C5orf34: variants seen among roughly 807,000 people sequenced by gnomAD.
C5orf34 encodes uncharacterized protein C5orf34.
In C5orf34, 73 loss-of-function variants were observed where a neutral mutation model predicts 78.4. That is an observed-to-expected ratio of 0.93 (90% CI 0.77 to 1.13). C5orf34 has a LOEUF of 1.13. C5orf34 is among the 50% of genes most tolerant of loss of function. C5orf34 has a pLI of 0.00. For synonymous variants in C5orf34, 251 were observed against 246.6 expected (o/e 1.02, Z -0.17); for missense variants, 730 against 732.7 (o/e 1.00, Z 0.04).
intron 2 of C5orf34, 64 bp downstream of exon 2, chr5:43,509,081 G>C: frequency 1.5e-6 from 2 of 1,325,528 alleles, no homozygotes; most frequent in Admixed American, 3.7e-5. Context: ...CTCCAGCCTG[G>C]GTGACAGAGC....
rs566354042 is a variant in C5orf34, at chr5:43,515,118, C to T, written c.-349G>A. On this transcript the variant is annotated 5_prime_UTR_variant, in exon 1 of 13. Transcript: ENST00000306862. ...GCACAAGACCAGTTCAAAACCAGCGCCCTCAGGGAGCCGCTTCAGAGCTCC... is the reference window on the plus strand; with the variant it reads ...GCACAAGACCAGTTCAAAACCAGCGTCCTCAGGGAGCCGCTTCAGAGCTCC... 5 of 152,322 alleles carry T rather than the reference C, an allele frequency of 3.3e-5. No homozygotes were observed. The highest frequency in any genetic ancestry group is 9.6e-5 in the African/African-American group (4 of 41,558). 9.4% of individuals were successfully genotyped at this position (152,322 alleles called of 1,614,324 possible).
In C5orf34 at chr5:43,506,193, C is replaced by T. The variant is rs747464864; in HGVS notation, c.487G>A (p.Glu163Lys). The T allele has an allele frequency of 5.6e-6, 9 of 1,613,968 alleles. No homozygotes were observed. The Admixed American group carries it at 8.3e-5, about 15-fold the overall frequency. ...TCTTTTGGGGCTTTATTATTTGTTT[C>T]TGACAACACTGCAGATGAGTCTGAC... ...QKSDSSAVLS[E>K]TNNKAPKDKL... The change falls in exon 4 of 13, where the codon GAA (glutamate) becomes AAA (lysine). Residue 163 changes from glutamate (E) to lysine (K), a missense_variant. By Grantham distance (56) the Glu-to-Lys change is moderately conservative. Transcript: ENST00000306862.
At chr5:43,511,231 G>GCC (rs1219679199) in intron 1 of C5orf34, 2 of 174,512 alleles carry the variant, frequency 1.1e-5, no homozygotes, top group African/African-American at 4.8e-5. Flanking sequence ...GAAGTGAGGA[G>GCC]CCTCTCCGCC....
intron 8 of C5orf34, 49 bp from the exon 9 acceptor site, chr5:43,492,939 A>G: frequency 7.4e-7 from 1 of 1,348,198 alleles, no homozygotes; most frequent in Non-Finnish European, 1.0e-6. Flanking sequence ...ATCTAAGAAC[A>G]AGATTTAAAT....
chr5:43,506,638 T>C (rs952748627), intron 3 of C5orf34, among the ~76,000 whole-genome samples: 1 of 151,838 alleles, frequency 6.6e-6, no homozygotes, highest in Non-Finnish European at 1.5e-5. Context: ...ATGAGAGAAA[T>C]GGTCATATTT....
intron 11 of C5orf34, 130 bp downstream of exon 11, chr5:43,490,496 ATACTT>A (rs1745235057): frequency 1.8e-6 from 1 of 570,220 alleles, no homozygotes; most frequent in East Asian, 2.9e-5. Context: ...GCTATCAAAA[ATACTT>A]TAGGAGTTAA....
At chr5:43,502,275 T>C (rs554061583) in intron 6 of C5orf34, 97 bp downstream of exon 6, 117 of 1,203,824 alleles carry the variant, frequency 9.7e-5, no homozygotes, top group Middle Eastern at 5.3e-4. Flanking sequence ...TAGGAAGCAA[T>C]GTTATATAAT....
In C5orf34 at chr5:43,505,979, A is replaced by C. The variant is rs1304353775; in HGVS notation, c.701T>G (p.Val234Gly). ...LPSPGTKHTC[V>G]YTWVKQCWSV... ...CCAGCACTGCTTGACCCATGTGTAT[A>C]CACATGTGTGCTTTGTACCAGGCGA... Residue 234 changes from valine (V) to glycine (G), a missense_variant, in exon 4 of 13, where the codon GTA (valine) becomes GGA (glycine). Transcript: ENST00000306862. 6.2e-7 allele frequency: 1 copy of C among 1,614,184 alleles called. No individual in the cohort carries two copies. The highest frequency in any genetic ancestry group is 8.5e-7 in the Non-Finnish European group (1 of 1,180,032).
Position 43,502,362 on chromosome 5 carries a change from G to T in C5orf34, c.1152+10C>A. 2 of 1,610,566 alleles carry T rather than the reference G, an allele frequency of 1.2e-6. No individual in the cohort carries two copies. Among genetic ancestry groups the T allele is most frequent in the Non-Finnish European group, 1.7e-6 (2 of 1,178,760 alleles). ...AAACTCTTCTTGAGTTGAGTTCATT[G>T]TTGGCTTACCTTTCCTGATCCTTCT... On this transcript the variant is annotated intron_variant, in intron 6 of 12. Transcript: ENST00000306862.
chr5:43,495,215 GA>G, intron 6 of C5orf34: 1 of 1,610,522 alleles, frequency 6.2e-7, no homozygotes, highest in South Asian at 1.1e-5. Context: ...TGGATAGTCT[GA>G]GAAGCTCTCA....
In C5orf34 at chr5:43,486,837, G is replaced by C. The variant is rs1437545746; in HGVS notation, c.*78C>G. 7 of 769,856 alleles carry C rather than the reference G, an allele frequency of 9.1e-6. No homozygotes were observed. The highest frequency in any genetic ancestry group is 1.4e-5 in the Non-Finnish European group (7 of 513,430). The allele number at this position is 769,856 out of a possible 1,614,324, so 47.7% of individuals were successfully genotyped here. ...GCCGGGGTAATACGTACAATATCTT[G>C]GCTTACTAGTAATTTTATACCAGTC... On this transcript the variant is annotated 3_prime_UTR_variant, in exon 13 of 13. Transcript: ENST00000306862.
At chr5:43,495,107 G>A (rs187720138) in intron 6 of C5orf34, 3 of 1,562,686 alleles carry the variant, frequency 1.9e-6, no homozygotes, top group Admixed American at 1.7e-5. Flanking sequence ...GGCAGACTTC[G>A]TGACCTTGCC....
rs1561208107 is a variant in C5orf34 at position 43,493,598 on chromosome 5, C to A, written c.1259G>T (p.Cys420Phe). The change falls in exon 8 of 13, where the codon TGT becomes TTT. Residue 420 changes from cysteine to phenylalanine, a missense_variant. Cys to Phe is a radical substitution (Grantham distance 205). Coordinates refer to ENST00000306862, the MANE Select transcript of C5orf34 (RefSeq NM_198566.4). ...IKQATRILQH[C>F]VKMRLSLSHN... ...GCTTAAAGAAAGTCTCATCTTCACA[C>A]AATGTTGAAGAATTCTGTGAACACA... The A allele has an allele frequency of 6.3e-7, 1 of 1,575,322 alleles. No homozygotes were observed. The highest frequency in any genetic ancestry group is 8.6e-7 in the Non-Finnish European group (1 of 1,157,486).
intron 4 of C5orf34, 84 bp from the exon 5 acceptor site, chr5:43,503,844 C>G: frequency 1.2e-6 from 1 of 829,442 alleles, no homozygotes; most frequent in Non-Finnish European, 2.1e-6. Flanking sequence ...GCTACTGTAA[C>G]AGGATTAATT....
intron 3 of C5orf34, 33 bp from the exon 4 acceptor site, chr5:43,506,427 T>C (rs1323288208): frequency 1.3e-6 from 2 of 1,546,124 alleles, no homozygotes; most frequent in Non-Finnish European, 1.7e-6. Context: ...ACGGTGAGTA[T>C]TTTCTGTTAA....
At chr5:43,497,176 T>C (rs1579863645) in intron 6 of C5orf34, among the ~76,000 whole-genome samples, 1 of 152,278 alleles carries the variant, frequency 6.6e-6, no homozygotes, top group East Asian at 1.9e-4. Flanking sequence ...AGTTTCCTCC[T>C]CCTCAGACTT....
rs772253133 is a variant in C5orf34 at position 43,503,677 on chromosome 5, C to G, written c.1016G>C (p.Gly339Ala). 1 of 1,610,296 alleles carries G rather than the reference C, an allele frequency of 6.2e-7. No individual in the cohort carries two copies. The highest frequency in any genetic ancestry group is 1.7e-5 in the Admixed American group (1 of 60,000). Reference protein sequence around the residue: ...PELVKMVWYKGVTYRLTHQNM... With the variant: ...PELVKMVWYKAVTYRLTHQNM... ...ATAGGTGCCTTACCTATATGTAACA[C>G]CTTTGTACCAAACCATTTTCACTAG... Residue 339 changes from glycine to alanine, a missense_variant, in exon 5 of 13, where the codon GGT becomes GCT. Physicochemically the swap from Gly to Ala is moderately conservative, Grantham distance 60. Coordinates refer to ENST00000306862, the MANE Select transcript of C5orf34 (RefSeq NM_198566.4).
At position 43,496,197 on chromosome 5, in the gene C5orf34, A is replaced by G. The variant is rs190278336; in HGVS notation, c.1153-1596T>C. On this transcript the variant is annotated intron_variant, in intron 6 of 12. Transcript: ENST00000306862. ...GTCCTGGGGCATCAATGATAGTCAC[A>G]TAGTACTTGCTGGTCTCAAATTTCC... 6,010 of 1,555,612 alleles carry G rather than the reference A, an allele frequency of 3.9e-3. 27 individuals are homozygous for G. The highest frequency in any genetic ancestry group is 0.031 in the Middle Eastern group (153 of 4,902).
chr5:43,495,210 A>T, intron 6 of C5orf34: 1 of 1,610,914 alleles, frequency 6.2e-7, no homozygotes, highest in East Asian at 2.2e-5. Flanking sequence ...AAAGGTGGAT[A>T]GTCTGAGAAG....
Sources: allele counts gnomAD v4.1 joint callset (sites outside exome capture counted in the v4.1 genomes callset), GRCh38; gene constraint gnomAD v4.1.1; transcripts MANE v1.5; gene names NCBI Gene and HGNC (gene_info 2026-07-23, HGNC 2026-07-21).